SLC35F1: variants seen among roughly 807,000 people sequenced by gnomAD.
The protein encoded by SLC35F1 is solute carrier family 35 member F1, also known as chromosome 6 open reading frame 169.
SLC35F1 carries 14 observed loss-of-function variants against 48.7 expected under a neutral mutation model. That is an observed-to-expected ratio of 0.29 (90% CI 0.19 to 0.45). SLC35F1 has a LOEUF of 0.45. Among genes scored for constraint, SLC35F1 ranks in the 20% least tolerant of loss-of-function variants. The pLI is 1.00. For missense variants in SLC35F1, 404 were observed against 500.0 expected (o/e 0.81, Z 1.83); for synonymous variants, 190 against 202.2 (o/e 0.94, Z 0.51).
intron 2 of SLC35F1, among the ~76,000 whole-genome samples, chr6:118,233,840 T>C (rs1775328256): frequency 6.6e-6 from 1 of 152,110 alleles, no homozygotes; most frequent in Non-Finnish European, 1.5e-5. Context: ...CAGAAAGACT[T>C]TGTGCATGCT....
At chr6:118,217,211 T>C (rs1157655468) in intron 2 of SLC35F1, among the ~76,000 whole-genome samples, 1 of 152,204 alleles carries the variant, frequency 6.6e-6, no homozygotes, top group Non-Finnish European at 1.5e-5. Flanking sequence ...TTATTTGTGA[T>C]GGCTAAGGTG....
At chr6:118,122,545 G>A (rs1229902468) in intron 1 of SLC35F1, among the ~76,000 whole-genome samples, 1 of 152,236 alleles carries the variant, frequency 6.6e-6, no homozygotes, top group Non-Finnish European at 1.5e-5. Flanking sequence ...AAAATGAGAT[G>A]TGCATGATAA....
chr6:118,103,111 A>G (rs1241759537), intron 1 of SLC35F1, among the ~76,000 whole-genome samples: 1 of 152,170 alleles, frequency 6.6e-6, no homozygotes, highest in Non-Finnish European at 1.5e-5. Context: ...AATATGTTCA[A>G]TATCAAGAAC....
In SLC35F1 at chr6:117,907,758, T is replaced by C; in HGVS notation, c.32T>C (p.Leu11Pro). 6.4e-7 allele frequency: 1 copy of C among 1,558,984 alleles called. No homozygotes were observed. Among genetic ancestry groups the C allele is most frequent in the Non-Finnish European group, 8.6e-7 (1 of 1,161,972 alleles). The change falls in exon 1 of 8, where the codon CTG becomes CCG. Residue 11 changes from leucine (L) to proline (P), a missense_variant. This residue lies in a region of SLC35F1 where 98 missense variants were observed against 81.0 expected (regional missense o/e 1.21). Coordinates refer to ENST00000360388, the MANE Select transcript of SLC35F1 (RefSeq NM_001029858.4). ...CCCCCTGAGCAGCCGCAGCAGCAGC[T>C]GCAGCCGCCGTCGCCAGCCCCGCCG... MIPPEQPQQQLQPPSPAPPNH... is the reference protein window; with the variant it reads MIPPEQPQQQPQPPSPAPPNH...
At chr6:118,068,114 C>T (rs1379680351) in intron 1 of SLC35F1, among the ~76,000 whole-genome samples, 2 of 152,036 alleles carry the variant, frequency 1.3e-5, no homozygotes, top group Non-Finnish European at 2.9e-5. Context: ...GTGAATTCAC[C>T]TTTTTCCTGC....
intron 3 of SLC35F1, among the ~76,000 whole-genome samples, chr6:118,260,262 T>C (rs1775695792): frequency 6.6e-6 from 1 of 152,026 alleles, no homozygotes; most frequent in African/African-American, 2.4e-5. Flanking sequence ...ATGGAGTTTC[T>C]TTTGAGGATG....
chr6:118,185,944 T>A (rs191647502), intron 2 of SLC35F1, among the ~76,000 whole-genome samples: 2 of 152,344 alleles, frequency 1.3e-5, no homozygotes, highest in Admixed American at 1.3e-4. Flanking sequence ...CATAACATTT[T>A]GTTTTTATTC....
At chr6:118,192,656 A>T (rs965186077) in intron 2 of SLC35F1, among the ~76,000 whole-genome samples, 3 of 152,188 alleles carry the variant, frequency 2.0e-5, no homozygotes, top group Admixed American at 6.6e-5. Flanking sequence ...ACTCAGACAT[A>T]TTAGAATTTT....
chr6:118,305,880 G>C (rs1384046725), intron 7 of SLC35F1, among the ~76,000 whole-genome samples: 1 of 152,106 alleles, frequency 6.6e-6, no homozygotes, highest in East Asian at 1.9e-4. Flanking sequence ...GTATTCCCTG[G>C]TCATGGTTAT....
intron 1 of SLC35F1, among the ~76,000 whole-genome samples, chr6:118,105,661 A>G (rs544091343): frequency 1.3e-5 from 2 of 152,270 alleles, no homozygotes; most frequent in African/African-American, 4.8e-5. Flanking sequence ...CAGTACCCCT[A>G]ATTTCCTTCC....
intron 7 of SLC35F1, among the ~76,000 whole-genome samples, chr6:118,297,071 CT>C (rs1776195619): frequency 1.3e-5 from 2 of 152,228 alleles, no homozygotes; most frequent in African/African-American, 4.8e-5. Flanking sequence ...GGACTGAAGA[CT>C]TTTTTTCAAC....
chr6:118,098,379 C>T (rs961051056), intron 1 of SLC35F1, among the ~76,000 whole-genome samples: 1 of 152,156 alleles, frequency 6.6e-6, no homozygotes, highest in African/African-American at 2.4e-5. Context: ...TCTTCACTAT[C>T]CCATTCTTCC....
intron 2 of SLC35F1, among the ~76,000 whole-genome samples, chr6:118,176,214 A>T (rs1384900030): frequency 6.6e-6 from 1 of 152,096 alleles, no homozygotes; most frequent in Non-Finnish European, 1.5e-5. Flanking sequence ...CACCCCACGC[A>T]CACTTTTCTT....
rs573759717 is a variant in SLC35F1, at chr6:118,305,346, C to T, written c.1003-8682C>T. On this transcript the variant is annotated intron_variant, in intron 7 of 7. Transcript: ENST00000360388. ...ATCTGTTTTACTCAAAGTCTACTGA[C>T]TTAAATGTCAATCTCATTTTTAAAA... is the stretch of plus-strand genomic sequence containing the variant. Among the ~76,000 whole-genome samples the T allele has an allele frequency of 2.6e-5, 4 of 151,944 alleles. No individual in the cohort carries two copies. In the South Asian group the frequency reaches 8.3e-4, roughly 32 times the overall value.
chr6:117,941,055 G>A (rs1401424335), intron 1 of SLC35F1, among the ~76,000 whole-genome samples: 3 of 152,070 alleles, frequency 2.0e-5, no homozygotes, highest in Non-Finnish European at 4.4e-5. Context: ...TTACCTGAAG[G>A]CTGCATGTCA....
intron 2 of SLC35F1, among the ~76,000 whole-genome samples, chr6:118,173,493 C>T (rs372722765): frequency 2.0e-5 from 3 of 151,978 alleles, no homozygotes; most frequent in Admixed American, 6.6e-5. Context: ...AGCCACAAGG[C>T]AGGTCTACAT....
chr6:117,984,195 T>C (rs1776818670), intron 1 of SLC35F1, among the ~76,000 whole-genome samples: 1 of 152,180 alleles, frequency 6.6e-6, no homozygotes, highest in Non-Finnish European at 1.5e-5. Flanking sequence ...TGGAGCAGAC[T>C]CACTGCCTGT....
intron 3 of SLC35F1, among the ~76,000 whole-genome samples, chr6:118,241,112 G>A (rs1775434519): frequency 6.6e-6 from 1 of 152,220 alleles, no homozygotes; most frequent in Non-Finnish European, 1.5e-5. Flanking sequence ...CCATATTGTA[G>A]AAGGTCTTCA....
At chr6:118,011,268 T>G (rs151096756) in intron 1 of SLC35F1, among the ~76,000 whole-genome samples, 1,553 of 152,286 alleles carry the variant, frequency 0.01, 28 homozygotes, top group African/African-American at 0.036. Flanking sequence ...AAAATAGGTT[T>G]AATTGGCTCA....
Sources: gnomAD v4.1 joint callset for allele counts (sites outside exome capture counted in the v4.1 genomes callset) on GRCh38, gnomAD v4.1.1 for gene constraint, gnomAD v4.1.1 regional missense constraint, MANE v1.5 for transcripts, NCBI Gene and HGNC (gene_info 2026-07-23, HGNC 2026-07-21) for gene names.